Variants in SHC4 observed in about 807,000 individuals in gnomAD.
SHC4 encodes SHC adaptor protein 4.
A neutral mutation model predicts 69.4 loss-of-function variants in SHC4; 41 were observed. The ratio of observed to expected loss-of-function variants is 0.59; its 90% CI spans 0.46 to 0.77. The LOEUF is 0.77. Among genes scored for constraint, SHC4 ranks in the 30% least tolerant of loss-of-function variants. The pLI is 0.00. For missense variants in SHC4, 777 were observed against 783.8 expected (o/e 0.99, Z 0.10); for synonymous variants, 318 against 299.3 (o/e 1.06, Z -0.64).
chr15:48,833,443 G>A (rs1462044386), intron 11 of SHC4, among the ~76,000 whole-genome samples: 1 of 152,128 alleles, frequency 6.6e-6, no homozygotes, highest in African/African-American at 2.4e-5. Flanking sequence ...TGCCCCAAGT[G>A]GCAGGACAGA....
chr15:48,876,543 C>T (rs999639824), intron 4 of SHC4: 8 of 658,834 alleles, frequency 1.2e-5, no homozygotes, highest in Admixed American at 2.3e-5. Context: ...TAAGTATTAA[C>T]TCACATGATC....
intron 11 of SHC4, among the ~76,000 whole-genome samples, chr15:48,834,189 G>A (rs1182898310): frequency 6.6e-6 from 1 of 151,946 alleles, no homozygotes; most frequent in African/African-American, 2.4e-5. Context: ...ATCTTCTATT[G>A]GCTTAATACC....
chr15:48,895,711 C>T (rs1439831811), intron 2 of SHC4, among the ~76,000 whole-genome samples: 2 of 152,038 alleles, frequency 1.3e-5, no homozygotes, highest in Admixed American at 6.6e-5. Flanking sequence ...CTTTACAGAG[C>T]GCCCAAAATC....
At chr15:48,911,106 C>A (rs2141016831) in intron 2 of SHC4, among the ~76,000 whole-genome samples, 1 of 151,772 alleles carries the variant, frequency 6.6e-6, no homozygotes, top group African/African-American at 2.4e-5. Flanking sequence ...ATAGTTTATC[C>A]ATTGTTTATT....
At position 48,856,074 on chromosome 15, in the gene SHC4, T is replaced by C. The variant is rs2140982819; in HGVS notation, c.1121A>G (p.Tyr374Cys). 1 of 1,613,922 alleles carries C rather than the reference T, an allele frequency of 6.2e-7. No individual in the cohort carries two copies. Among genetic ancestry groups the C allele is most frequent in the African/African-American group, 1.3e-5 (1 of 75,022 alleles). The change falls in exon 8 of 12, where the codon TAT (tyrosine) becomes TGT (cysteine). Residue 374 changes from tyrosine to cysteine, a missense_variant. Transcript: ENST00000332408. Reference protein sequence around the residue: ...SHAEEREDHEYYNEIPGKQPP... With the variant: ...SHAEEREDHECYNEIPGKQPP... ...CTGCTTCCCTGGAATTTCATTGTAA[T>C]ATTCATGATCTTCTCTCTCCTCGGC... is the stretch of plus-strand genomic sequence containing the variant.
chr15:48,963,206 C>T lies in SHC4; in HGVS notation c.-191G>A, dbSNP rs1483016351. On this transcript the variant is annotated 5_prime_UTR_variant, in exon 1 of 12. Coordinates refer to ENST00000332408, the MANE Select transcript of SHC4 (RefSeq NM_203349.4). ...TGACAGCCCATGGGGGAAACGCCTC[C>T]CCTGCTCTGATTTCAGTCTCTCCCT... The T allele has an allele frequency of 1.7e-6, 1 of 587,396 alleles. No individual in the cohort carries two copies. Among genetic ancestry groups the T allele is most frequent in the South Asian group, 2.3e-5 (1 of 44,122 alleles). The allele number at this position is 587,396 out of a possible 1,614,324, so 36.4% of individuals were successfully genotyped here. A position where few individuals can be genotyped will look rare whatever the true frequency, so the allele number is the denominator to read the frequency against.
chr15:48,845,938 G>A (rs762293797), intron 9 of SHC4, among the ~76,000 whole-genome samples: 26 of 151,692 alleles, frequency 1.7e-4, no homozygotes, highest in Non-Finnish European at 4.4e-5. Context: ...ATGTAGGAGT[G>A]CCTGCTCATA....
intron 8 of SHC4, 110 bp downstream of exon 8, chr15:48,855,843 G>A: frequency 8.8e-7 from 1 of 1,137,304 alleles, no homozygotes; most frequent in South Asian, 1.7e-5. Context: ...CTGTATTTGA[G>A]GAAGACAGGA....
chr15:48,892,761 G>C (rs558188836), intron 2 of SHC4, among the ~76,000 whole-genome samples: 2 of 151,674 alleles, frequency 1.3e-5, no homozygotes, highest in African/African-American at 2.4e-5. Context: ...TACTTGGGAG[G>C]CTGAGGCAGG....
intron 2 of SHC4, among the ~76,000 whole-genome samples, chr15:48,891,603 T>C (rs1179407515): frequency 6.6e-6 from 1 of 152,232 alleles, no homozygotes; most frequent in East Asian, 1.9e-4. Context: ...CTTAGCCTTG[T>C]GGCTTTGAAC....
chr15:48,872,153 T>C lies in SHC4; in HGVS notation c.841-11A>G, dbSNP rs772007494. 6.2e-6 allele frequency: 9 copies of C among 1,457,744 alleles called. No homozygotes were observed. Among genetic ancestry groups the C allele is most frequent in the Non-Finnish European group, 8.6e-6 (9 of 1,047,088 alleles). 90.3% of individuals were successfully genotyped at this position (1,457,744 alleles called of 1,614,324 possible). A position where few individuals can be genotyped will look rare whatever the true frequency, so the allele number is the denominator to read the frequency against. On this transcript the variant is annotated splice_polypyrimidine_tract_variant and intron_variant, in intron 4 of 11. Transcript: ENST00000332408. ...ATGATTTGCAATAATCTGAAAAACA[T>C]AAACATGTATACTAATATAAATTAA... is the stretch of plus-strand genomic sequence containing the variant.
intron 10 of SHC4, among the ~76,000 whole-genome samples, chr15:48,840,540 G>A (rs1431276831): frequency 6.6e-6 from 1 of 152,114 alleles, no homozygotes; most frequent in African/African-American, 2.4e-5. Flanking sequence ...AGAAGCTAAA[G>A]AGGATTTTTG....
intron 1 of SHC4, among the ~76,000 whole-genome samples, chr15:48,944,409 G>A (rs892587038): frequency 6.6e-5 from 10 of 152,252 alleles, no homozygotes; most frequent in African/African-American, 2.2e-4. Flanking sequence ...TTTAAAAGGG[G>A]GCTGACTCAG....
At chr15:48,869,371 A>C (rs949266151) in intron 5 of SHC4, among the ~76,000 whole-genome samples, 3 of 152,192 alleles carry the variant, frequency 2.0e-5, no homozygotes, top group South Asian at 4.1e-4. Flanking sequence ...AATCTTGTAG[A>C]AAGATTACTA....
intron 8 of SHC4, among the ~76,000 whole-genome samples, chr15:48,854,347 T>C (rs139742332): frequency 2.4e-3 from 368 of 152,312 alleles, no homozygotes; most frequent in African/African-American, 8.4e-3. Flanking sequence ...GAAAGGGGAA[T>C]GCTCATACAC....
intron 1 of SHC4, among the ~76,000 whole-genome samples, chr15:48,950,150 T>A (rs1396164795): frequency 5.5e-5 from 8 of 144,872 alleles, no homozygotes; most frequent in Non-Finnish European, 1.1e-4. Context: ...ATTATATAAT[T>A]GTATATATTA....
At chr15:48,835,813 T>C (rs1898887976) in intron 10 of SHC4, among the ~76,000 whole-genome samples, 1 of 152,160 alleles carries the variant, frequency 6.6e-6, no homozygotes, top group African/African-American at 2.4e-5. Flanking sequence ...TCAAGTGTGA[T>C]AGAAACTGCT....
intron 11 of SHC4, among the ~76,000 whole-genome samples, chr15:48,828,451 G>T (rs539951402): frequency 2.0e-5 from 3 of 152,226 alleles, no homozygotes; most frequent in Admixed American, 2.0e-4. Context: ...GAATAATGCT[G>T]CAATAAACAT....
chr15:48,883,967 G>C (rs1229209971), intron 4 of SHC4, among the ~76,000 whole-genome samples: 1 of 152,148 alleles, frequency 6.6e-6, no homozygotes, highest in Admixed American at 6.5e-5. Context: ...CCAATTCAAG[G>C]ATATGAGTTG....
Sources: allele counts gnomAD v4.1 joint callset (sites outside exome capture counted in the v4.1 genomes callset), GRCh38; gene constraint gnomAD v4.1.1; transcripts MANE v1.5; gene names NCBI Gene and HGNC (gene_info 2026-07-23, HGNC 2026-07-21).